IDE: variants seen among roughly 807,000 people sequenced by gnomAD.
IDE encodes the protein insulin degrading enzyme.
A neutral mutation model predicts 133.2 loss-of-function variants in IDE; 58 were observed. The ratio of observed to expected loss-of-function variants is 0.44; its 90% CI spans 0.35 to 0.54. The LOEUF (loss-of-function observed/expected upper bound fraction) is 0.54, where lower values mean the gene tolerates loss of function less well. Ranked by LOEUF, IDE falls within the 20% of genes least tolerant of loss-of-function variation. The pLI is 0.00. For synonymous variants in IDE, 396 were observed against 421.3 expected (o/e 0.94, Z 0.73); for missense variants, 981 against 1,234.0 (o/e 0.79, Z 3.07).
chr10:92,551,862 G>T (rs1194750896), intron 1 of IDE, among the ~76,000 whole-genome samples: 1 of 152,142 alleles, frequency 6.6e-6, no homozygotes, highest in Non-Finnish European at 1.5e-5. Context: ...TGGGCCAGGT[G>T]CAGTGGCTCA....
At chr10:92,527,141 A>AAATTTATG in intron 4 of IDE, among the ~76,000 whole-genome samples, 1 of 152,200 alleles carries the variant, frequency 6.6e-6, no homozygotes, top group African/African-American at 2.4e-5. Context: ...TTCTTTTAAA[A>AAATTTATG]GTTGTAGCGA....
At chr10:92,479,170 AT>A in intron 15 of IDE, 106 bp downstream of exon 15, 5 of 683,150 alleles carry the variant, frequency 7.3e-6, no homozygotes, top group Middle Eastern at 2.9e-4. Flanking sequence ...AGCCATAAAG[AT>A]TAAAAAAAAA....
At chr10:92,565,678 G>A (rs1843504827) in intron 1 of IDE, among the ~76,000 whole-genome samples, 1 of 151,888 alleles carries the variant, frequency 6.6e-6, no homozygotes. Flanking sequence ...TCTATCTTCA[G>A]ATTTAGGAAA....
chr10:92,471,260 A>T (rs572414816), intron 17 of IDE, among the ~76,000 whole-genome samples: 1 of 152,348 alleles, frequency 6.6e-6, no homozygotes, highest in African/African-American at 2.4e-5. Context: ...ACACCATAGT[A>T]ATAACTGCTA....
At chr10:92,531,546 T>A (rs1269214714) in intron 4 of IDE, among the ~76,000 whole-genome samples, 1 of 152,214 alleles carries the variant, frequency 6.6e-6, no homozygotes, top group Non-Finnish European at 1.5e-5. Context: ...CTTAAACGTT[T>A]AGAACCCTAT....
At chr10:92,487,412 C>T (rs1160039694) in intron 12 of IDE, 94 bp from the exon 13 acceptor site, 1 of 989,202 alleles carries the variant, frequency 1.0e-6, no homozygotes, top group Non-Finnish European at 1.5e-6. Flanking sequence ...ATATTAAGTG[C>T]ACAAATGTCA....
At chr10:92,556,142 C>T (rs188745401) in intron 1 of IDE, among the ~76,000 whole-genome samples, 157 of 127,596 alleles carry the variant, frequency 1.2e-3, no homozygotes, top group African/African-American at 4.2e-3. Context: ...CACTGCAGTC[C>T]GCAGTCCGGC....
At chr10:92,542,068 C>T (rs575308004) in intron 1 of IDE, among the ~76,000 whole-genome samples, 2 of 152,346 alleles carry the variant, frequency 1.3e-5, no homozygotes, top group African/African-American at 4.8e-5. Flanking sequence ...AAGGTCCAGG[C>T]ATCACACTAT....
intron 24 of IDE, 116 bp downstream of exon 24, chr10:92,455,460 G>A: frequency 1.5e-6 from 1 of 672,988 alleles, no homozygotes; most frequent in Non-Finnish European, 2.7e-6. Flanking sequence ...CAGCCTGGGT[G>A]ACTGAGTGAG....
intron 4 of IDE, among the ~76,000 whole-genome samples, chr10:92,526,643 T>C (rs1364815391): frequency 6.6e-6 from 1 of 151,834 alleles, no homozygotes; most frequent in Non-Finnish European, 1.5e-5. Flanking sequence ...CCTAGGAGTT[T>C]GAGACCAGCT....
chr10:92,475,772 G>A, intron 16 of IDE, 112 bp downstream of exon 16: 1 of 549,880 alleles, frequency 1.8e-6, no homozygotes, highest in Non-Finnish European at 3.2e-6. Context: ...ACAGGGTTAT[G>A]AATTCTTCTT....
intron 1 of IDE, among the ~76,000 whole-genome samples, chr10:92,558,052 C>A (rs946738465): frequency 1.3e-5 from 2 of 151,950 alleles, no homozygotes; most frequent in African/African-American, 4.8e-5. Flanking sequence ...AATAATTAAA[C>A]AATACAACCT....
intron 3 of IDE, among the ~76,000 whole-genome samples, chr10:92,534,113 A>G (rs1475494363): frequency 6.6e-6 from 1 of 152,232 alleles, no homozygotes; most frequent in Non-Finnish European, 1.5e-5. Context: ...GTTGACCAAG[A>G]AATTAAATCG....
intron 1 of IDE, among the ~76,000 whole-genome samples, chr10:92,550,962 A>C (rs747947929): frequency 1.5e-4 from 23 of 152,234 alleles, no homozygotes; most frequent in Non-Finnish European, 3.2e-4. Flanking sequence ...TAGTGGGAAT[A>C]CAAAATGGTA....
chr10:92,475,083 C>A, intron 16 of IDE, 122 bp from the exon 17 acceptor site: 1 of 709,572 alleles, frequency 1.4e-6, no homozygotes, highest in Admixed American at 3.2e-5. Flanking sequence ...CCTTCTTTCC[C>A]CTTTCTGAAG....
chr10:92,532,977 T>C (rs1237954989), intron 3 of IDE, among the ~76,000 whole-genome samples: 1 of 152,194 alleles, frequency 6.6e-6, no homozygotes, highest in Admixed American at 6.6e-5. Flanking sequence ...GGGGAAACTC[T>C]ATCTATCTGG....
At chr10:92,515,315 G>A (rs1280242125) in intron 4 of IDE, among the ~76,000 whole-genome samples, 22 of 148,206 alleles carry the variant, frequency 1.5e-4, no homozygotes, top group African/African-American at 4.5e-4. Flanking sequence ...GCTGGAGTGC[G>A]GTGGTGTGAT....
At chr10:92,456,906 T>C (rs1259942984) in intron 22 of IDE, among the ~76,000 whole-genome samples, 1 of 151,278 alleles carries the variant, frequency 6.6e-6, no homozygotes, top group Non-Finnish European at 1.5e-5. Context: ...TTCCCTTTCT[T>C]TCCCCTCACT....
chr10:92,552,991 T>C (rs1318449584), intron 1 of IDE, among the ~76,000 whole-genome samples: 1 of 149,454 alleles, frequency 6.7e-6, no homozygotes, highest in Non-Finnish European at 1.5e-5. Context: ...TTATTCAAAA[T>C]ACACAGGAGC....
Sources: allele counts gnomAD v4.1 joint callset (sites outside exome capture counted in the v4.1 genomes callset), GRCh38; gene constraint gnomAD v4.1.1; transcripts MANE v1.5; gene names NCBI Gene and HGNC (gene_info 2026-07-23, HGNC 2026-07-21).